The following IKZF1 variants were observed in gnomAD, a reference collection of about 807,000 sequenced individuals.
IKZF1 encodes DNA-binding protein Ikaros.
A neutral mutation model predicts 51.7 loss-of-function variants in IKZF1; 10 were observed. The observed-to-expected ratio is 0.19, with a 90% confidence interval of 0.12 to 0.33. The LOEUF is 0.33. IKZF1 is among the 10% of genes least tolerant of loss of function. IKZF1 has a pLI of 1.00. For missense variants in IKZF1, 484 were observed against 707.5 expected, an observed-to-expected ratio of 0.68 and a Z score of 3.58; for synonymous variants, 280 against 282.3, an observed-to-expected ratio of 0.99 and a Z score of 0.08.
intron 3 of IKZF1, chr7:50,368,308 G>A (rs1182955447): frequency 1.4e-6 from 1 of 703,414 alleles, no homozygotes; most frequent in Middle Eastern, 2.3e-4. Context: ...TGGAGTCACA[G>A]TAGCACTGAT....
In IKZF1 at chr7:50,390,279, G is replaced by A. The variant is rs558775817; in HGVS notation, c.716-1450G>A. 2.0e-4 allele frequency among the ~76,000 whole-genome samples: 30 copies of A among 152,310 alleles called. No homozygotes were observed. In the South Asian group the frequency reaches 6.2e-3, roughly 32 times the overall value. On this transcript the variant is annotated intron_variant, in intron 6 of 7. Transcript: ENST00000331340. ...TCTGGGAGCCCTGGGCAGGCTGTGG[G>A]TGTGGCTTGGCAGAGAAGGATGGAC...
In IKZF1 at chr7:50,383,726, G is replaced by A. The variant is rs188962785; in HGVS notation, c.589+1019G>A. Among the ~76,000 whole-genome samples, 485 of 152,306 alleles carry A rather than the reference G, an allele frequency of 3.2e-3. 2 individuals carry two copies. Among genetic ancestry groups the A allele is most frequent in the African/African-American group, 0.011 (457 of 41,570 alleles). ...CTCCAAGCAGCAGCCTCTCTAAGCCGGTGCCCTGGGGGATGGCAATGCCTC... is the reference window on the plus strand; with the variant it reads ...CTCCAAGCAGCAGCCTCTCTAAGCCAGTGCCCTGGGGGATGGCAATGCCTC... On this transcript the variant is annotated intron_variant, in intron 5 of 7. Coordinates refer to ENST00000331340, the MANE Select transcript of IKZF1 (RefSeq NM_006060.6).
At chr7:50,363,103 A>C (rs953626790) in intron 3 of IKZF1, among the ~76,000 whole-genome samples, 2 of 152,208 alleles carry the variant, frequency 1.3e-5, no homozygotes, top group East Asian at 3.8e-4. Context: ...CAGATGAAGC[A>C]CCATCAACAT....
intron 6 of IKZF1, among the ~76,000 whole-genome samples, chr7:50,389,817 A>G (rs1417815536): frequency 2.0e-5 from 3 of 152,212 alleles, no homozygotes; most frequent in East Asian, 1.9e-4. Context: ...CTGTACCCGG[A>G]TGAGTGGAAA....
chr7:50,368,314 C>T, intron 3 of IKZF1: 1 of 703,340 alleles, frequency 1.4e-6, no homozygotes, highest in Non-Finnish European at 2.6e-6. Context: ...CACAGTAGCA[C>T]TGATGGGATT....
At position 50,368,992 on chromosome 7, in the gene IKZF1, A is replaced by G. The variant is rs1431783643; in HGVS notation, c.161-7541A>G. On this transcript the variant is annotated intron_variant, in intron 3 of 7. Coordinates refer to ENST00000331340, the MANE Select transcript of IKZF1 (RefSeq NM_006060.6). ...AAGGAATTTAACAGTATCAAAGTAC[A>G]TCTTTTTGCTCACAAACTAGATTGG... is the stretch of plus-strand genomic sequence containing the variant. 4 of 223,574 alleles carry G rather than the reference A, an allele frequency of 1.8e-5. No homozygotes were observed. The East Asian group carries it at 2.0e-4, about 11-fold the overall frequency. 13.8% of individuals were successfully genotyped at this position (223,574 alleles called of 1,614,324 possible).
intron 2 of IKZF1, among the ~76,000 whole-genome samples, chr7:50,321,540 T>G (rs1340952776): frequency 6.6e-6 from 1 of 152,234 alleles, no homozygotes; most frequent in Non-Finnish European, 1.5e-5. Flanking sequence ...TTCATTGTTC[T>G]GCTCTTCTTT....
At chr7:50,315,879 G>T (rs962129726) in intron 1 of IKZF1, among the ~76,000 whole-genome samples, 2 of 152,092 alleles carry the variant, frequency 1.3e-5, no homozygotes, top group African/African-American at 4.8e-5. Flanking sequence ...GGAGAGGAGG[G>T]GCTCAGTAAG....
chr7:50,369,984 T>C (rs1808185155), intron 3 of IKZF1, among the ~76,000 whole-genome samples: 1 of 152,188 alleles, frequency 6.6e-6, no homozygotes, highest in South Asian at 2.1e-4. Context: ...AAATCTCTTT[T>C]AGAGGCAACA....
intron 3 of IKZF1, among the ~76,000 whole-genome samples, chr7:50,345,185 A>T (rs1800047974): frequency 6.6e-6 from 1 of 152,178 alleles, no homozygotes; most frequent in African/African-American, 2.4e-5. Context: ...CTCAGAAATT[A>T]TTAGTACATC....
chr7:50,390,253 C>G (rs1814671032), intron 6 of IKZF1, among the ~76,000 whole-genome samples: 1 of 152,112 alleles, frequency 6.6e-6, no homozygotes, highest in Non-Finnish European at 1.5e-5. Context: ...GACCCCTGAC[C>G]TCTGGGAGCC....
At chr7:50,385,192 G>C (rs371258376) in intron 5 of IKZF1, among the ~76,000 whole-genome samples, 2 of 152,148 alleles carry the variant, frequency 1.3e-5, no homozygotes, top group Non-Finnish European at 2.9e-5. Context: ...CTGTCTGTCC[G>C]AAAATGCTAT....
At chr7:50,315,075 C>A (rs192884772) in intron 1 of IKZF1, among the ~76,000 whole-genome samples, 1 of 152,236 alleles carries the variant, frequency 6.6e-6, no homozygotes, top group African/African-American at 2.4e-5. Context: ...CCGGCTTGCC[C>A]GGCTCCTAGT....
chr7:50,393,654 G>C (rs1375365703), intron 7 of IKZF1, among the ~76,000 whole-genome samples: 2 of 152,238 alleles, frequency 1.3e-5, no homozygotes, highest in Admixed American at 1.3e-4. Context: ...TGGACCATGA[G>C]AACGAGGGAG....
chr7:50,392,315 C>T (rs1815341415), intron 7 of IKZF1, among the ~76,000 whole-genome samples: 1 of 152,198 alleles, frequency 6.6e-6, no homozygotes, highest in Non-Finnish European at 1.5e-5. Flanking sequence ...CATACAGTGA[C>T]TGACCCCTGA....
intron 3 of IKZF1, among the ~76,000 whole-genome samples, chr7:50,375,327 G>A (rs1210086718): frequency 6.6e-6 from 1 of 152,132 alleles, no homozygotes; most frequent in Non-Finnish European, 1.5e-5. Context: ...GGGAGGCTGA[G>A]GTGGGAGGAT....
chr7:50,312,535 A>C (rs1790446470), intron 1 of IKZF1, among the ~76,000 whole-genome samples: 1 of 152,204 alleles, frequency 6.6e-6, no homozygotes, highest in African/African-American at 2.4e-5. Flanking sequence ...TTTTGAATAC[A>C]GTATCTGCCA....
At chr7:50,377,037 G>T in intron 4 of IKZF1, 2 of 605,852 alleles carry the variant, frequency 3.3e-6, no homozygotes, top group East Asian at 3.1e-5. Flanking sequence ...AAAGTGAACA[G>T]CATCACATGA....
Position 50,401,146 on chromosome 7 carries a change from C to CA in IKZF1, c.*521dup, listed in dbSNP as rs1236483085. ...AAGTGCCAAGACACAGCAGGGCCAA[C>CA]AACCTGTGCCCAGGCCAGCTTCGAG... On this transcript the variant is annotated 3_prime_UTR_variant, in exon 8 of 8. Coordinates refer to ENST00000331340, the MANE Select transcript of IKZF1 (RefSeq NM_006060.6). 4.1e-6 allele frequency: 1 copy of CA among 246,086 alleles called. No individual in the cohort carries two copies. Among genetic ancestry groups the CA allele is most frequent in the Non-Finnish European group, 7.8e-6 (1 of 127,706 alleles). The allele number at this position is 246,086 out of a possible 1,614,324, so 15.2% of individuals were successfully genotyped here.
Sources: allele counts gnomAD v4.1 joint callset (sites outside exome capture counted in the v4.1 genomes callset), GRCh38; gene constraint gnomAD v4.1.1; transcripts MANE v1.5; gene names NCBI Gene and HGNC (gene_info 2026-07-23, HGNC 2026-07-21).